Variants in GALNT10 observed in about 807,000 individuals in gnomAD.
GALNT10 encodes polypeptide N-acetylgalactosaminyltransferase 10.
In GALNT10, 41 loss-of-function variants were observed where a neutral mutation model predicts 75.0. The ratio of observed to expected loss-of-function variants is 0.55; its 90% CI spans 0.43 to 0.71. GALNT10 has a LOEUF of 0.71. GALNT10 is among the 30% of genes least tolerant of loss of function. The pLI is 0.00. For synonymous variants in GALNT10, 302 were observed against 313.0 expected (o/e 0.96, Z 0.37); for missense variants, 727 against 818.5 (o/e 0.89, Z 1.36).
chr5:154,316,338 T>C (rs754438497), intron 3 of GALNT10, among the ~76,000 whole-genome samples: 21 of 152,228 alleles, frequency 1.4e-4, no homozygotes, highest in Non-Finnish European at 2.4e-4. Flanking sequence ...GGCCACGTTG[T>C]CTGGGATCAC....
At chr5:154,394,434 C>A (rs1755974799) in intron 7 of GALNT10, among the ~76,000 whole-genome samples, 2 of 151,406 alleles carry the variant, frequency 1.3e-5, no homozygotes, top group South Asian at 4.2e-4. Context: ...AGAAGCTGAG[C>A]AAGGGTGATA....
At chr5:154,228,890 T>G (rs78018920) in intron 1 of GALNT10, among the ~76,000 whole-genome samples, 226 of 152,378 alleles carry the variant, frequency 1.5e-3, no homozygotes, top group African/African-American at 5.2e-3. Context: ...CATTTGGTTT[T>G]TGGTTTCTGA....
rs1755165029 is a variant in GALNT10 at position 154,348,791 on chromosome 5, G to A, written c.568+19053G>A. Among the ~76,000 whole-genome samples the A allele has an allele frequency of 1.3e-5, 2 of 152,164 alleles. 1 individual carries two copies. Among genetic ancestry groups the A allele is most frequent in the South Asian group, 4.1e-4 (2 of 4,820 alleles). On this transcript the variant is annotated intron_variant, in intron 4 of 11. Transcript: ENST00000297107. ...TGACTTTCTTCACCTCTTCCCTAGAGTTTAAGAGTTATAAATTGATAACTT... is the reference window on the plus strand; with the variant it reads ...TGACTTTCTTCACCTCTTCCCTAGAATTTAAGAGTTATAAATTGATAACTT...
At chr5:154,364,009 C>T (rs963973486) in intron 4 of GALNT10, among the ~76,000 whole-genome samples, 1 of 152,142 alleles carries the variant, frequency 6.6e-6, no homozygotes, top group African/African-American at 2.4e-5. Flanking sequence ...CTGAGTCCTG[C>T]CCTCAAGAAG....
At chr5:154,235,653 G>C (rs886660172) in intron 1 of GALNT10, among the ~76,000 whole-genome samples, 15 of 152,160 alleles carry the variant, frequency 9.9e-5, no homozygotes, top group Non-Finnish European at 1.9e-4. Context: ...TTGTGACCCT[G>C]AGCCAGTTAT....
At chr5:154,254,614 GAA>G (rs10555381) in intron 1 of GALNT10, among the ~76,000 whole-genome samples, 4,469 of 150,208 alleles carry the variant, frequency 0.03, 159 homozygotes, top group East Asian at 0.089. Flanking sequence ...ATACCTCTTT[GAA>G]AAAAGTCTGT....
intron 3 of GALNT10, among the ~76,000 whole-genome samples, chr5:154,301,187 A>T (rs11740474): frequency 0.36 from 55,287 of 151,804 alleles, 10,558 homozygotes; most frequent in Non-Finnish European, 0.42. Flanking sequence ...TGAATTTTTT[A>T]AAAAAATTAA....
At position 154,191,044 on chromosome 5, in the gene GALNT10, A is replaced by G. The variant is rs1337656395; in HGVS notation, c.159+19A>G. ...GGGACAGGTGAGTCCCCCCGTTGCT[A>G]CAGGCCGGGAACACCCCCTTCCCGA... On this transcript the variant is annotated intron_variant, in intron 1 of 11. Transcript: ENST00000297107. The G allele has an allele frequency of 1.5e-5, 21 of 1,394,170 alleles. No homozygotes were observed. The highest frequency in any genetic ancestry group is 1.9e-5 in the Non-Finnish European group (20 of 1,062,392). 86.4% of individuals were successfully genotyped at this position (1,394,170 alleles called of 1,614,324 possible).
intron 1 of GALNT10, among the ~76,000 whole-genome samples, chr5:154,256,973 G>A (rs765849722): frequency 6.6e-6 from 1 of 151,938 alleles, no homozygotes. Context: ...TATTTTCAAG[G>A]TGTAGAAACA....
At chr5:154,395,809 G>A in intron 7 of GALNT10, among the ~76,000 whole-genome samples, 1 of 152,180 alleles carries the variant, frequency 6.6e-6, no homozygotes, top group Non-Finnish European at 1.5e-5. Flanking sequence ...TGGCTCCCAA[G>A]GTGTGAACCC....
At chr5:154,228,609 G>C (rs1753097791) in intron 1 of GALNT10, among the ~76,000 whole-genome samples, 1 of 152,224 alleles carries the variant, frequency 6.6e-6, no homozygotes, top group Non-Finnish European at 1.5e-5. Context: ...AAATTCTCAA[G>C]AGAGATTCCT....
intron 3 of GALNT10, among the ~76,000 whole-genome samples, chr5:154,303,390 C>G (rs1167347486): frequency 6.6e-6 from 1 of 151,794 alleles, no homozygotes; most frequent in Non-Finnish European, 1.5e-5. Context: ...GACAGGAGAG[C>G]TGTGCAAAGA....
intron 4 of GALNT10, chr5:154,337,867 T>G (rs1754968388): frequency 1.8e-6 from 2 of 1,104,288 alleles, no homozygotes; most frequent in South Asian, 2.5e-5. Context: ...GATGAAACAC[T>G]AGGTATCTCT....
rs933276780 is a variant in GALNT10 at position 154,329,418 on chromosome 5, A to ATTCT, written c.402-154_402-153insTTCT. 4.8e-4 allele frequency: 301 copies of ATTCT among 622,978 alleles called. 2 individuals are homozygous for ATTCT. In the Middle Eastern group the frequency reaches 5.2e-3, roughly 11 times the overall value. The allele number at this position is 622,978 out of a possible 1,614,324, so 38.6% of individuals were successfully genotyped here. On this transcript the variant is annotated intron_variant, in intron 3 of 11. Coordinates refer to ENST00000297107, the MANE Select transcript of GALNT10 (RefSeq NM_198321.4). The stretch of plus-strand genomic sequence containing the variant: ...GTAGGACTTTGGGATGTCATGTAGA[A>ATTCT]GTTCCTGTGTGACCAAGGTATCCCT...
intron 7 of GALNT10, among the ~76,000 whole-genome samples, chr5:154,399,751 T>TG (rs1756118892): frequency 6.6e-6 from 1 of 152,178 alleles, no homozygotes; most frequent in Non-Finnish European, 1.5e-5. Context: ...TGCTAGGCAC[T>TG]GGGGGTCCAA....
intron 1 of GALNT10, among the ~76,000 whole-genome samples, chr5:154,293,611 A>ATTTTTTTTTTTTTTTTTTTT (rs912343114): frequency 0.011 from 1,064 of 96,282 alleles, 6 homozygotes; most frequent in Non-Finnish European, 0.018. Flanking sequence ...ATATATATAT[A>ATTTTTTTTTTTTTTTTTTTT]TATTTTTTTT....
rs150498170 is a variant in GALNT10 at position 154,313,059 on chromosome 5, A to T, written c.401+14980A>T. On this transcript the variant is annotated intron_variant, in intron 3 of 11. Coordinates refer to ENST00000297107, the MANE Select transcript of GALNT10 (RefSeq NM_198321.4). ...TGCGGTGGCTCATGCCTTTAATCCCAACACTTTGGGAGGCCGAGGCAGGTG... is the reference window on the plus strand; with the variant it reads ...TGCGGTGGCTCATGCCTTTAATCCCTACACTTTGGGAGGCCGAGGCAGGTG... Among the ~76,000 whole-genome samples, 775 of 152,322 alleles carry T rather than the reference A, an allele frequency of 5.1e-3. 7 individuals carry two copies. The highest frequency in any genetic ancestry group is 0.018 in the African/African-American group (756 of 41,562).
At chr5:154,337,816 C>T in intron 4 of GALNT10, 1 of 997,242 alleles carries the variant, frequency 1.0e-6, no homozygotes, top group Middle Eastern at 3.1e-4. Flanking sequence ...CCTCCACAAC[C>T]ACCACCAAAG....
At chr5:154,391,302 T>C (rs1755892008) in intron 7 of GALNT10, among the ~76,000 whole-genome samples, 1 of 152,336 alleles carries the variant, frequency 6.6e-6, no homozygotes, top group Non-Finnish European at 1.5e-5. Context: ...CTGAAAGGCA[T>C]GAGTGTATTT....
Sources: gnomAD v4.1 joint callset for allele counts (sites outside exome capture counted in the v4.1 genomes callset) on GRCh38, gnomAD v4.1.1 for gene constraint, MANE v1.5 for transcripts, NCBI Gene and HGNC (gene_info 2026-07-23, HGNC 2026-07-21) for gene names.